The following RGS6 variants were observed in gnomAD, a reference collection of about 807,000 sequenced individuals.
The protein encoded by RGS6 is regulator of G-protein signaling 6.
RGS6 carries 30 observed loss-of-function variants against 78.5 expected under a neutral mutation model. That is an observed-to-expected ratio of 0.38 (90% confidence interval 0.29 to 0.52). The LOEUF is 0.52. Among genes scored for constraint, RGS6 ranks in the 20% least tolerant of loss-of-function variants. RGS6 has a pLI of 0.85. For missense variants in RGS6, 495 were observed against 609.7 expected, an observed-to-expected ratio of 0.81 and a Z score of 1.98; for synonymous variants, 206 against 206.0, an observed-to-expected ratio of 1.00 and a Z score of 0.00.
At chr14:72,596,794 AT>A in the RGS6 span, among the ~76,000 whole-genome samples, 19 of 152,166 alleles carry the variant, frequency 1.2e-4, no homozygotes, top group Admixed American at 2.6e-4. Flanking sequence ...AGAAGTTATT[AT>A]TTTACAGAGG....
chr14:72,382,316 T>C (rs558228759), intron 3 of RGS6, among the ~76,000 whole-genome samples: 22 of 152,194 alleles, frequency 1.4e-4, no homozygotes, highest in African/African-American at 4.3e-4. Flanking sequence ...AGAGAAAATA[T>C]ACATGACCAA....
intron 2 of RGS6, among the ~76,000 whole-genome samples, chr14:72,121,717 C>G (rs948090283): frequency 2.0e-5 from 3 of 152,080 alleles, no homozygotes; most frequent in Non-Finnish European, 4.4e-5. Flanking sequence ...GGTCTTCTGC[C>G]TGGAGAGTCC....
At chr14:72,236,683 C>A (rs2283407) in intron 2 of RGS6, among the ~76,000 whole-genome samples, 1 of 151,630 alleles carries the variant, frequency 6.6e-6, no homozygotes, top group Non-Finnish European at 1.5e-5. Flanking sequence ...GTGGAGGGGC[C>A]GGGCAGAGGC....
At chr14:72,092,130 A>G (rs2023377) in intron 2 of RGS6, among the ~76,000 whole-genome samples, 98,255 of 151,690 alleles carry the variant, frequency 0.65, 31,967 homozygotes, top group East Asian at 0.68. Flanking sequence ...AATTCAATCA[A>G]TTCTCCTGCC....
chr14:72,106,239 ACAGACT>A (rs2095629813), intron 2 of RGS6, among the ~76,000 whole-genome samples: 1 of 152,236 alleles, frequency 6.6e-6, no homozygotes, highest in Admixed American at 6.5e-5. Flanking sequence ...GAAATTAAAC[ACAGACT>A]CAAACTACAC....
chr14:72,011,398 C>T (rs1360084118), intron 2 of RGS6, among the ~76,000 whole-genome samples: 2 of 152,058 alleles, frequency 1.3e-5, no homozygotes, highest in African/African-American at 2.4e-5. Context: ...GACTGTTTCC[C>T]GAGGAGGGTG....
chr14:71,968,860 T>G (rs2093660015), intron 2 of RGS6, among the ~76,000 whole-genome samples: 1 of 152,232 alleles, frequency 6.6e-6, no homozygotes, highest in Non-Finnish European at 1.5e-5. Context: ...AGTTCTAGGG[T>G]ACATGTGCAC....
At chr14:72,627,481 G>A in the RGS6 span, among the ~76,000 whole-genome samples, 4 of 151,982 alleles carry the variant, frequency 2.6e-5, no homozygotes, top group African/African-American at 9.7e-5. Flanking sequence ...ATCTATTTAT[G>A]GGCTTTCTAT....
the RGS6 span, among the ~76,000 whole-genome samples, chr14:71,915,216 C>T: frequency 3.3e-5 from 5 of 151,508 alleles, no homozygotes; most frequent in South Asian, 8.4e-4. Context: ...GAGATCGTGC[C>T]GCTGCACTCC....
chr14:72,213,999 G>A lies in RGS6; in HGVS notation c.85-138096G>A, dbSNP rs115225815. ...TGCTGAAGAGGTAGTTGTCAGTGAGGCCAATTCTGGGTGGGATATTGGCTG... is the reference window on the plus strand; with the variant it reads ...TGCTGAAGAGGTAGTTGTCAGTGAGACCAATTCTGGGTGGGATATTGGCTG... On this transcript the variant is annotated intron_variant, in intron 2 of 17. Coordinates refer to ENST00000553525, the MANE Select transcript of RGS6 (RefSeq NM_001204424.2). Among the ~76,000 whole-genome samples the A allele has an allele frequency of 8.6e-3, 1,304 of 152,156 alleles. 19 individuals carry two copies. The highest frequency in any genetic ancestry group is 0.029 in the African/African-American group (1,200 of 41,480).
intron 2 of RGS6, among the ~76,000 whole-genome samples, chr14:72,091,284 A>T (rs2095261566): frequency 6.6e-6 from 1 of 152,162 alleles, no homozygotes; most frequent in African/African-American, 2.4e-5. Flanking sequence ...GTAAGCAGCT[A>T]GGCTTAGACT....
At chr14:72,088,327 G>A (rs949347396) in intron 2 of RGS6, among the ~76,000 whole-genome samples, 2 of 152,200 alleles carry the variant, frequency 1.3e-5, no homozygotes, top group Non-Finnish European at 2.9e-5. Flanking sequence ...TCACACAAAT[G>A]TGTTTCTGTG....
At chr14:72,599,408 T>TTTTTG in the RGS6 span, among the ~76,000 whole-genome samples, 1 of 115,700 alleles carries the variant, frequency 8.6e-6, no homozygotes, top group South Asian at 3.3e-4. Flanking sequence ...TTTTTTTTTT[T>TTTTTG]TTTTTTTTTT....
At chr14:72,180,772 A>G (rs1001893971) in intron 2 of RGS6, among the ~76,000 whole-genome samples, 1 of 152,152 alleles carries the variant, frequency 6.6e-6, no homozygotes, top group Non-Finnish European at 1.5e-5. Context: ...TGAGTTTGCT[A>G]TCTTGGGAGT....
At chr14:72,140,127 A>C (rs1166964446) in intron 2 of RGS6, among the ~76,000 whole-genome samples, 2 of 152,142 alleles carry the variant, frequency 1.3e-5, no homozygotes, top group Non-Finnish European at 2.9e-5. Context: ...CCATGCTATG[A>C]TGCTCCCCAG....
At chr14:72,036,200 A>AGTATTATTATTATTAT in intron 2 of RGS6, among the ~76,000 whole-genome samples, 1 of 146,814 alleles carries the variant, frequency 6.8e-6, no homozygotes, top group Non-Finnish European at 1.5e-5. Flanking sequence ...GCATGTAAAC[A>AGTATTATTATTATTAT]TATTATTATT....
intron 3 of RGS6, among the ~76,000 whole-genome samples, chr14:72,443,082 A>T (rs1255274015): frequency 1.3e-5 from 2 of 152,076 alleles, no homozygotes; most frequent in Non-Finnish European, 2.9e-5. Flanking sequence ...CTAAATTATA[A>T]CTTAGGAATC....
intron 2 of RGS6, among the ~76,000 whole-genome samples, chr14:72,182,065 C>G (rs1275595845): frequency 2.0e-5 from 3 of 152,166 alleles, no homozygotes; most frequent in Non-Finnish European, 4.4e-5. Flanking sequence ...ACTATTCTTT[C>G]CATAATGAAA....
At chr14:72,028,211 A>T (rs541558832) in intron 2 of RGS6, among the ~76,000 whole-genome samples, 58 of 152,296 alleles carry the variant, frequency 3.8e-4, no homozygotes, top group African/African-American at 1.4e-3. Flanking sequence ...CTATTTCTTC[A>T]GGCACATCTC....
Sources: allele counts gnomAD v4.1 joint callset (sites outside exome capture counted in the v4.1 genomes callset), GRCh38; gene constraint gnomAD v4.1.1; transcripts MANE v1.5; gene names NCBI Gene and HGNC (gene_info 2026-07-23, HGNC 2026-07-21).